Variants in MAPK10 observed in about 807,000 individuals in gnomAD.
The protein encoded by MAPK10 is mitogen-activated protein kinase 10.
In MAPK10, 25 loss-of-function variants were observed where a neutral mutation model predicts 59.3. The observed-to-expected ratio is 0.42, with a 90% CI of 0.31 to 0.59. The LOEUF (loss-of-function observed/expected upper bound fraction) is 0.59. Ranked by LOEUF, MAPK10 falls within the 20% of genes least tolerant of loss-of-function variation. The pLI is 0.15. For synonymous variants in MAPK10, 190 were observed against 200.5 expected, an observed-to-expected ratio of 0.95 and a Z score of 0.44; for missense variants, 351 against 568.9, an observed-to-expected ratio of 0.62 and a Z score of 3.90.
At chr4:86,115,317 G>A (rs956302578) in intron 4 of MAPK10, among the ~76,000 whole-genome samples, 61 of 152,234 alleles carry the variant, frequency 4.0e-4, no homozygotes, top group African/African-American at 1.3e-3. Flanking sequence ...TGCAGCTCCC[G>A]GATCATTGCT....
At chr4:86,144,414 CA>C (rs1312837246) in intron 4 of MAPK10, among the ~76,000 whole-genome samples, 2 of 151,886 alleles carry the variant, frequency 1.3e-5, no homozygotes, top group African/African-American at 2.4e-5. Context: ...GCAGATAAAG[CA>C]AGAATCTGGT....
intron 1 of MAPK10, among the ~76,000 whole-genome samples, chr4:86,484,804 G>T (rs1010555371): frequency 6.6e-6 from 1 of 152,122 alleles, no homozygotes; most frequent in Non-Finnish European, 1.5e-5. Flanking sequence ...ATAACTAAGT[G>T]ACAGAGCTGC....
chr4:86,384,104 T>C (rs1741134346), intron 1 of MAPK10: 2 of 152,194 alleles, frequency 1.3e-5, no homozygotes, highest in African/African-American at 4.8e-5. Flanking sequence ...CCTTACCTTT[T>C]ACCGTGACTT....
At chr4:86,377,310 C>A (rs1356166913) in intron 1 of MAPK10, among the ~76,000 whole-genome samples, 1 of 152,214 alleles carries the variant, frequency 6.6e-6, no homozygotes, top group Admixed American at 6.5e-5. Flanking sequence ...TACTGCCCAA[C>A]TACCAGAAGA....
intron 2 of MAPK10, among the ~76,000 whole-genome samples, chr4:86,215,110 A>C (rs377050751): frequency 3.3e-5 from 5 of 152,242 alleles, no homozygotes; most frequent in African/African-American, 1.2e-4. Context: ...AAACCTTGGC[A>C]TAAACAATCA....
chr4:86,172,534 T>C (rs896116756), intron 3 of MAPK10, among the ~76,000 whole-genome samples: 21 of 140,758 alleles, frequency 1.5e-4, no homozygotes, highest in Non-Finnish European at 7.6e-5. Context: ...TGAGAACACA[T>C]GGACACAGGA....
At chr4:86,420,476 C>T (rs1307623268) in intron 1 of MAPK10, among the ~76,000 whole-genome samples, 1 of 152,116 alleles carries the variant, frequency 6.6e-6, no homozygotes, top group African/African-American at 2.4e-5. Context: ...AAACTAAATT[C>T]AGATAATTGC....
chr4:86,329,559 G>A (rs2096103527), intron 2 of MAPK10, among the ~76,000 whole-genome samples: 1 of 152,138 alleles, frequency 6.6e-6, no homozygotes, highest in Non-Finnish European at 1.5e-5. Context: ...GCAAGGTCTT[G>A]AGCTTGGTCC....
At chr4:86,365,468 A>AAAAAAAAAAAAT (rs1737708171) in intron 1 of MAPK10, among the ~76,000 whole-genome samples, 1 of 141,930 alleles carries the variant, frequency 7.0e-6, no homozygotes, top group Non-Finnish European at 1.5e-5. Context: ...AAAAAAAAAA[A>AAAAAAAAAAAAT]TTCTCACCTT....
At chr4:86,080,581 A>C (rs1328563970) in intron 9 of MAPK10, 2 of 152,006 alleles carry the variant, frequency 1.3e-5, no homozygotes, top group Admixed American at 6.5e-5. Flanking sequence ...GGGAGAAAAA[A>C]ATAATAATCT....
intron 2 of MAPK10, among the ~76,000 whole-genome samples, chr4:86,241,743 G>A (rs1323039202): frequency 6.6e-6 from 1 of 152,118 alleles, no homozygotes; most frequent in East Asian, 1.9e-4. Context: ...TTTTATCAAG[G>A]TTCTTGGCTT....
chr4:86,486,291 T>C (rs55653332), intron 1 of MAPK10, among the ~76,000 whole-genome samples: 48,334 of 151,936 alleles, frequency 0.32, 7,975 homozygotes, highest in Admixed American at 0.37. Flanking sequence ...ACAGCAAGAC[T>C]CAATCTCTAA....
At chr4:86,244,611 A>C (rs2092958243) in intron 2 of MAPK10, among the ~76,000 whole-genome samples, 1 of 152,166 alleles carries the variant, frequency 6.6e-6, no homozygotes. Flanking sequence ...TAATGAAAAC[A>C]GGCTCCTGTA....
intron 1 of MAPK10, among the ~76,000 whole-genome samples, chr4:86,591,540 AC>A (rs1330366423): frequency 6.6e-6 from 1 of 151,948 alleles, no homozygotes; most frequent in East Asian, 1.9e-4. Flanking sequence ...TGCTTGGCTA[AC>A]TTTTTTATTG....
chr4:86,267,307 C>A (rs188430006), intron 2 of MAPK10, among the ~76,000 whole-genome samples: 2 of 152,100 alleles, frequency 1.3e-5, no homozygotes, highest in Admixed American at 6.6e-5. Context: ...TCAAAAGCCA[C>A]GTAAATGTAA....
chr4:86,105,605 T>C (rs2056395154), intron 5 of MAPK10, among the ~76,000 whole-genome samples: 1 of 152,144 alleles, frequency 6.6e-6, no homozygotes, highest in Admixed American at 6.6e-5. Flanking sequence ...TATCCATCCA[T>C]TTTTCATTGC....
intron 2 of MAPK10, among the ~76,000 whole-genome samples, chr4:86,298,775 A>G (rs946791607): frequency 8.5e-5 from 13 of 152,172 alleles, no homozygotes; most frequent in Non-Finnish European, 8.8e-5. Flanking sequence ...ACCGTCTTCT[A>G]TTATTTTTGT....
intron 2 of MAPK10, among the ~76,000 whole-genome samples, chr4:86,217,636 A>G (rs1169846344): frequency 2.6e-5 from 4 of 152,124 alleles, no homozygotes; most frequent in Non-Finnish European, 5.9e-5. Context: ...CACATCTTTA[A>G]TCATTGCTAG....
chr4:86,070,791 T>C (rs2047748749), intron 9 of MAPK10, among the ~76,000 whole-genome samples: 1 of 151,842 alleles, frequency 6.6e-6, no homozygotes, highest in Admixed American at 6.6e-5. Context: ...CAGTCTATCA[T>C]TGTTGGACAT....
Sources: gnomAD v4.1 joint callset for allele counts (sites outside exome capture counted in the v4.1 genomes callset) on GRCh38, gnomAD v4.1.1 for gene constraint, MANE v1.5 for transcripts, NCBI Gene and HGNC (gene_info 2026-07-23, HGNC 2026-07-21) for gene names.